Variants in HFM1 observed in about 807,000 individuals in gnomAD.
HFM1 encodes the protein probable ATP-dependent DNA helicase HFM1.
A neutral mutation model predicts 192.1 loss-of-function variants in HFM1; 169 were observed. The ratio of observed to expected loss-of-function variants is 0.88; its 90% confidence interval spans 0.78 to 1.00. The LOEUF is 1.00. HFM1 is among the 50% of genes least tolerant of loss of function. The pLI is 0.00. For missense variants in HFM1, 1,661 were observed against 1,668.0 expected, an observed-to-expected ratio of 1.00 and a Z score of 0.07; for synonymous variants, 525 against 537.8, an observed-to-expected ratio of 0.98 and a Z score of 0.33.
chr1:91,291,300 G>A (rs1354407187), intron 30 of HFM1, among the ~76,000 whole-genome samples: 7 of 152,060 alleles, frequency 4.6e-5, no homozygotes, highest in Admixed American at 3.3e-4. Context: ...TTGATAGACC[G>A]CTAGCAAGAC....
At chr1:91,404,072 C>A (rs763383603) in intron 1 of HFM1, among the ~76,000 whole-genome samples, 3 of 152,098 alleles carry the variant, frequency 2.0e-5, no homozygotes, top group African/African-American at 7.2e-5. Context: ...AATAACCGAC[C>A]GTCACAAATA....
At chr1:91,349,182 A>T (rs968396826) in intron 18 of HFM1, among the ~76,000 whole-genome samples, 5 of 152,032 alleles carry the variant, frequency 3.3e-5, no homozygotes, top group Admixed American at 1.3e-4. Flanking sequence ...TGAGCTACTC[A>T]GAAGGGTAAG....
intron 6 of HFM1, among the ~76,000 whole-genome samples, chr1:91,381,990 C>T (rs1407336656): frequency 6.6e-6 from 1 of 152,118 alleles, no homozygotes; most frequent in Non-Finnish European, 1.5e-5. Context: ...CACTGCCACT[C>T]CCTCCCCGCA....
intron 13 of HFM1, among the ~76,000 whole-genome samples, chr1:91,363,823 G>T (rs1371490710): frequency 6.6e-6 from 1 of 152,120 alleles, no homozygotes; most frequent in Non-Finnish European, 1.5e-5. Flanking sequence ...AAGAAAATGT[G>T]GCACATATAT....
chr1:91,335,226 T>C lies in HFM1; in HGVS notation c.2335+8204A>G, dbSNP rs567509184. Among the ~76,000 whole-genome samples the C allele has an allele frequency of 2.0e-5, 3 of 152,228 alleles. No individual in the cohort carries two copies. In the South Asian group the frequency reaches 6.2e-4, roughly 32 times the overall value. On this transcript the variant is annotated intron_variant, in intron 20 of 38. Coordinates refer to ENST00000370425, the MANE Select transcript of HFM1 (RefSeq NM_001017975.6). ...TCCTGGTGAATATGTTCAGCCAACA[T>C]GTGAATAATGGATTAGTTTATAAAA...
chr1:91,390,264 C>T (rs946965989), intron 4 of HFM1, among the ~76,000 whole-genome samples: 1 of 151,952 alleles, frequency 6.6e-6, no homozygotes, highest in Non-Finnish European at 1.5e-5. Context: ...GGTGAAATTC[C>T]GTCTCTACTA....
chr1:91,267,400 G>C (rs1346705670), intron 35 of HFM1, among the ~76,000 whole-genome samples: 1 of 152,100 alleles, frequency 6.6e-6, no homozygotes, highest in Non-Finnish European at 1.5e-5. Flanking sequence ...AATATTAGCA[G>C]ACCATTTGTG....
At position 91,316,377 on chromosome 1, in the gene HFM1, G is replaced by T; in HGVS notation, c.2898+14C>A. 1 of 1,399,734 alleles carries T rather than the reference G, an allele frequency of 7.1e-7. No individual in the cohort carries two copies. Among genetic ancestry groups the T allele is most frequent in the Non-Finnish European group, 9.9e-7 (1 of 1,006,102 alleles). 86.7% of individuals were successfully genotyped at this position (1,399,734 alleles called of 1,614,324 possible). A position where few individuals can be genotyped will look rare whatever the true frequency, so the allele number is the denominator to read the frequency against. ...AGAATTTAGATGGAATTAGGAATAA[G>T]TGAATATAACTACCAATTCAAGTTC... On this transcript the variant is annotated intron_variant, in intron 26 of 38. Transcript: ENST00000370425.
intron 13 of HFM1, among the ~76,000 whole-genome samples, chr1:91,363,224 A>G (rs969049719): frequency 6.6e-6 from 1 of 152,152 alleles, no homozygotes; most frequent in African/African-American, 2.4e-5. Context: ...AGCAAAAGAA[A>G]TATCATGAGA....
chr1:91,401,717 TAAA>T (rs1207370036), intron 1 of HFM1, among the ~76,000 whole-genome samples: 1 of 152,162 alleles, frequency 6.6e-6, no homozygotes, highest in African/African-American at 2.4e-5. Flanking sequence ...TTTTTCAAAA[TAAA>T]AAAATTACAA....
chr1:91,404,387 C>G (rs748546805), intron 1 of HFM1, among the ~76,000 whole-genome samples: 6 of 152,250 alleles, frequency 3.9e-5, no homozygotes, highest in African/African-American at 7.2e-5. Context: ...TTCCTCCCAC[C>G]GCTGTGAAAC....
chr1:91,266,713 A>G (rs1483098243), intron 35 of HFM1, among the ~76,000 whole-genome samples: 1 of 152,140 alleles, frequency 6.6e-6, no homozygotes, highest in East Asian at 1.9e-4. Flanking sequence ...CCGTCTTAGG[A>G]CTAGGCTACC....
intron 30 of HFM1, among the ~76,000 whole-genome samples, chr1:91,286,537 T>C (rs1667990912): frequency 6.6e-6 from 1 of 152,236 alleles, no homozygotes; most frequent in South Asian, 2.1e-4. Context: ...TTTTGCCTTT[T>C]CATATAAGGA....
intron 18 of HFM1, among the ~76,000 whole-genome samples, chr1:91,348,411 G>C (rs1296210629): frequency 2.6e-5 from 4 of 151,916 alleles, no homozygotes; most frequent in Non-Finnish European, 4.4e-5. Flanking sequence ...TTTAGCCACA[G>C]GTATCAAATT....
chr1:91,405,029 TA>T (rs1664733742), upstream of HFM1, among the ~76,000 whole-genome samples: 1 of 152,184 alleles, frequency 6.6e-6, no homozygotes, highest in Non-Finnish European at 1.5e-5. Flanking sequence ...AAGGGTCTAC[TA>T]AATGGTACCC....
rs1665753725 is a variant in HFM1, at chr1:91,266,180, AC to A, written c.3884-74del. 4 of 1,137,274 alleles carry A rather than the reference AC, an allele frequency of 3.5e-6. No homozygotes were observed. In the South Asian group the frequency reaches 5.6e-5, roughly 16 times the overall value. 70.4% of individuals were successfully genotyped at this position (1,137,274 alleles called of 1,614,324 possible). A position where few individuals can be genotyped will look rare whatever the true frequency, so the allele number is the denominator to read the frequency against. On this transcript the variant is annotated intron_variant, in intron 35 of 38. Transcript: ENST00000370425. ...AATGAAGCTTTTCACAAGTTCTACA[AC>A]GTTCTCTCCAACAGATATGATCTGA...
At chr1:91,298,761 C>T (rs567158039) in intron 30 of HFM1, among the ~76,000 whole-genome samples, 2 of 152,254 alleles carry the variant, frequency 1.3e-5, no homozygotes, top group South Asian at 4.2e-4. Flanking sequence ...CACCACCAGG[C>T]CTGCCCTAAA....
At chr1:91,380,678 T>C (rs998579610) in intron 7 of HFM1, among the ~76,000 whole-genome samples, 1 of 152,128 alleles carries the variant, frequency 6.6e-6, no homozygotes, top group Non-Finnish European at 1.5e-5. Flanking sequence ...CGCTTGAACC[T>C]GGGAAGCAGA....
At chr1:91,295,855 T>G (rs1363230094) in intron 30 of HFM1, among the ~76,000 whole-genome samples, 1 of 152,240 alleles carries the variant, frequency 6.6e-6, no homozygotes, top group African/African-American at 2.4e-5. Context: ...TTATTGTTTT[T>G]CTTTCACATT....
Sources: allele counts gnomAD v4.1 joint callset (sites outside exome capture counted in the v4.1 genomes callset), GRCh38; gene constraint gnomAD v4.1.1; transcripts MANE v1.5; gene names NCBI Gene and HGNC (gene_info 2026-07-23, HGNC 2026-07-21).